Variants in FSIP2 observed in about 807,000 individuals in gnomAD.
The protein encoded by FSIP2 is fibrous sheath interacting protein 2, also known as fibrous sheath-interacting protein 2.
A neutral mutation model predicts 510.5 loss-of-function variants in FSIP2; 367 were observed. The observed-to-expected ratio is 0.72, with a 90% CI of 0.66 to 0.78. The LOEUF (loss-of-function observed/expected upper bound fraction) is 0.78. Among genes scored for constraint, FSIP2 ranks in the 30% least tolerant of loss-of-function variants. FSIP2 has a pLI of 0.00. For synonymous variants in FSIP2, 2,601 were observed against 2,732.2 expected, an observed-to-expected ratio of 0.95 and a Z score of 1.50; for missense variants, 7,594 against 7,901.7, an observed-to-expected ratio of 0.96 and a Z score of 1.48.
intron 7 of FSIP2, among the ~76,000 whole-genome samples, chr2:185,751,980 GTAA>G: frequency 3.2e-5 from 1 of 31,602 alleles, no homozygotes; most frequent in Non-Finnish European, 6.9e-5. Context: ...TTATCCTGAT[GTAA>G]ATAAGTCATA....
chr2:185,818,509 A>C (rs889843946), intron 19 of FSIP2, among the ~76,000 whole-genome samples: 1 of 151,982 alleles, frequency 6.6e-6, no homozygotes, highest in Admixed American at 6.6e-5. Flanking sequence ...CAAAAATATC[A>C]TATCAAGACA....
Position 185,806,129 on chromosome 2 carries a change from A to C in FSIP2, c.16823A>C (p.Tyr5608Ser). 1 of 1,574,428 alleles carries C rather than the reference A, an allele frequency of 6.4e-7. No homozygotes were observed. The highest frequency in any genetic ancestry group is 8.6e-7 in the Non-Finnish European group (1 of 1,167,334). ...EVLGSDSEIG[Y>S]KKKIDNARES... The stretch of plus-strand genomic sequence containing the variant: ...CTTGGATCAGATTCTGAAATAGGCT[A>C]TAAAAAGAAGATTGACAATGCAAGG... The change falls in exon 17 of 23, where the codon TAT becomes TCT. Residue 5608 changes from tyrosine (Y) to serine (S), a missense_variant. Tyr to Ser is a moderately radical substitution (Grantham distance 144, BLOSUM62 -2). Coordinates refer to ENST00000424728, the MANE Select transcript of FSIP2 (RefSeq NM_173651.4).
At chr2:185,747,889 C>G (rs890747611) in intron 7 of FSIP2, among the ~76,000 whole-genome samples, 11 of 151,956 alleles carry the variant, frequency 7.2e-5, no homozygotes, top group Non-Finnish European at 1.0e-4. Flanking sequence ...ACATACACCC[C>G]CCAACAATGT....
rs776020746 is a variant in FSIP2, at chr2:185,793,972, G to A, written c.6836G>A (p.Ser2279Asn). ...TCATTAATTACCCTTGCTTTCCAAA[G>A]TAAAGAAAAGTCATTTGTTATCCCA... is the stretch of plus-strand genomic sequence containing the variant. ...IDSLITLAFQ[S>N]KEKSFVIPEL... The change falls in exon 16 of 23, where the codon AGT (serine) becomes AAT (asparagine). Residue 2279 changes from serine to asparagine, a missense_variant. By Grantham distance (46) the Ser-to-Asn change is conservative (BLOSUM62 1). Transcript: ENST00000424728. 3.5e-5 allele frequency: 54 copies of A among 1,530,626 alleles called. No homozygotes were observed. The highest frequency in any genetic ancestry group is 1.7e-4 in the Middle Eastern group (1 of 5,982). 94.8% of individuals were successfully genotyped at this position (1,530,626 alleles called of 1,614,324 possible).
intron 6 of FSIP2, among the ~76,000 whole-genome samples, 170 bp downstream of exon 6, chr2:185,746,980 T>C (rs953496396): frequency 2.0e-5 from 3 of 152,104 alleles, no homozygotes; most frequent in African/African-American, 4.8e-5. Flanking sequence ...CATAAAATAA[T>C]GAGGTGGATA....
At chr2:185,833,002 A>G (rs770526827) in intron 22 of FSIP2, 88 bp from the exon 23 acceptor site, 99 of 1,141,664 alleles carry the variant, frequency 8.7e-5, no homozygotes, top group Non-Finnish European at 1.2e-4. Flanking sequence ...CAGCTGGGCC[A>G]CCTTTTACTC....
intron 7 of FSIP2, 139 bp downstream of exon 7, chr2:185,747,562 T>C: frequency 2.0e-6 from 1 of 509,824 alleles, no homozygotes; most frequent in South Asian, 3.3e-5. Context: ...CTGCAAGTTA[T>C]GGACATTTTT....
At position 185,796,007 on chromosome 2, in the gene FSIP2, A is replaced by G; in HGVS notation, c.8871A>G (p.Lys2957=). 6.5e-7 allele frequency: 1 copy of G among 1,534,082 alleles called. No homozygotes were observed. Among genetic ancestry groups the G allele is most frequent in the Non-Finnish European group, 8.7e-7 (1 of 1,145,868 alleles). ...AAGAACACATTACTGCTAAAAGTAA[A>G]TATGGTTTTCCAAACAAGCATAGCC... is the stretch of plus-strand genomic sequence containing the variant. ...NSKEHITAKS[K]YGFPNKHSLS... Residue 2957 remains lysine (K), a synonymous_variant, in exon 16 of 23, where the codon AAA becomes AAG. Transcript: ENST00000424728.
intron 7 of FSIP2, among the ~76,000 whole-genome samples, chr2:185,748,856 G>C (rs1034125087): frequency 6.6e-6 from 1 of 152,018 alleles, no homozygotes; most frequent in Admixed American, 6.6e-5. Context: ...TTGTTTTACT[G>C]TAAGAAATTT....
intron 13 of FSIP2, among the ~76,000 whole-genome samples, chr2:185,775,042 A>C: frequency 1.4e-5 from 1 of 70,672 alleles, no homozygotes; most frequent in Non-Finnish European, 2.8e-5. Flanking sequence ...CAATAAACAT[A>C]CGTGTGCATG....
chr2:185,796,966 C>CT lies in FSIP2; in HGVS notation c.9830_9831insT (p.Ser3278LysfsTer2), dbSNP rs1350292258. On this transcript the variant is annotated frameshift_variant, in exon 16 of 23. Coordinates refer to ENST00000424728, the MANE Select transcript of FSIP2 (RefSeq NM_173651.4). LOFTEE classifies it high-confidence loss of function. ...TTCTTACAAAAGCTGCTTAGGAAAGCAAGTGACTCCACAGAAGCAGCATTA... is the reference window on the plus strand; with the variant it reads ...TTCTTACAAAAGCTGCTTAGGAAAGCTAAGTGACTCCACAGAAGCAGCATTA... 1 of 1,534,816 alleles carries CT rather than the reference C, an allele frequency of 6.5e-7. No individual in the cohort carries two copies. The highest frequency in any genetic ancestry group is 8.7e-7 in the Non-Finnish European group (1 of 1,146,212).
At chr2:185,811,194 T>C (rs539919932) in intron 17 of FSIP2, among the ~76,000 whole-genome samples, 31 of 152,134 alleles carry the variant, frequency 2.0e-4, no homozygotes, top group African/African-American at 7.2e-4. Context: ...TAGCTGAGCA[T>C]GGTGGCTCAC....
chr2:185,812,437 A>G (rs905267876), intron 17 of FSIP2, among the ~76,000 whole-genome samples: 1 of 152,098 alleles, frequency 6.6e-6, no homozygotes, highest in African/African-American at 2.4e-5. Context: ...CCTAAAAATA[A>G]AACAATAAAG....
At position 185,803,883 on chromosome 2, in the gene FSIP2, T is replaced by C; in HGVS notation, c.14577T>C (p.Asp4859=). The C allele has an allele frequency of 6.6e-7, 1 of 1,524,378 alleles. No homozygotes were observed. The highest frequency in any genetic ancestry group is 8.8e-7 in the Non-Finnish European group (1 of 1,138,830). The allele number at this position is 1,524,378 out of a possible 1,614,324, so 94.4% of individuals were successfully genotyped here. Residue 4859 remains aspartate (D), a synonymous_variant, in exon 17 of 23, where the codon GAT becomes GAC. Transcript: ENST00000424728. Reference sequence around the variant, plus strand: ...AACAGAGTATGATTTCAGCAAAAGATATCCAGTCTATGGTTGATTCCATTT... The same window carrying C: ...AACAGAGTATGATTTCAGCAAAAGACATCCAGTCTATGGTTGATTCCATTT... ...NKKQSMISAK[D]IQSMVDSIYA...
intron 3 of FSIP2, 139 bp downstream of exon 3, chr2:185,743,433 A>G (rs1691964779): frequency 2.4e-6 from 1 of 421,942 alleles, no homozygotes; most frequent in Non-Finnish European, 4.1e-6. Context: ...AGTTCTATAA[A>G]TTTCTCAGTA....
upstream of FSIP2, among the ~76,000 whole-genome samples, chr2:185,737,973 G>T (rs2105519245): frequency 6.6e-6 from 1 of 152,274 alleles, no homozygotes; most frequent in East Asian, 1.9e-4. Context: ...ATGTTTAAAA[G>T]GGTGTTTGGC....
At chr2:185,762,622 A>G (rs1309150982) in intron 11 of FSIP2, among the ~76,000 whole-genome samples, 2 of 151,242 alleles carry the variant, frequency 1.3e-5, no homozygotes, top group Non-Finnish European at 3.0e-5. Context: ...TCTTCCTTTT[A>G]TATTTTGTAT....
intron 19 of FSIP2, among the ~76,000 whole-genome samples, chr2:185,820,558 C>T (rs568638707): frequency 6.6e-6 from 1 of 151,400 alleles, no homozygotes; most frequent in African/African-American, 2.4e-5. Context: ...ACATAGCACA[C>T]TCCCCAGGAT....
Position 185,801,324 on chromosome 2 carries a change from G to A in FSIP2, c.12018G>A (p.Met4006Ile), listed in dbSNP as rs1287677377. ...KNITVSWLNE[M>I]NTLFVNNVVN... Reference sequence around the variant, plus strand: ...TCACTGTGTCCTGGCTCAATGAGATGAATACATTATTTGTCAACAATGTAG... The same window carrying A: ...TCACTGTGTCCTGGCTCAATGAGATAAATACATTATTTGTCAACAATGTAG... The change falls in exon 17 of 23, where the codon ATG becomes ATA. Residue 4006 changes from methionine to isoleucine, a missense_variant. Transcript: ENST00000424728. The A allele has an allele frequency of 1.3e-6, 2 of 1,533,592 alleles. No homozygotes were observed. The highest frequency in any genetic ancestry group is 1.7e-6 in the Non-Finnish European group (2 of 1,145,262). The allele number at this position is 1,533,592 out of a possible 1,614,324, so 95.0% of individuals were successfully genotyped here.
Sources: allele counts gnomAD v4.1 joint callset (sites outside exome capture counted in the v4.1 genomes callset), GRCh38; gene constraint gnomAD v4.1.1; transcripts MANE v1.5; gene names NCBI Gene and HGNC (gene_info 2026-07-23, HGNC 2026-07-21).